Variants in PEX14 observed in about 807,000 individuals in gnomAD.
PEX14 encodes peroxisomal biogenesis factor 14.
In PEX14, 15 loss-of-function variants were observed where a neutral mutation model predicts 49.5. The ratio of observed to expected loss-of-function variants is 0.30; its 90% CI spans 0.20 to 0.47. The LOEUF (loss-of-function observed/expected upper bound fraction) is 0.47, where lower values mean the gene tolerates loss of function less well. Among genes scored for constraint, PEX14 ranks in the 20% least tolerant of loss-of-function variants. The pLI is 1.00. For missense variants in PEX14, 398 were observed against 494.8 expected, an observed-to-expected ratio of 0.80 and a Z score of 1.86; for synonymous variants, 210 against 212.7, an observed-to-expected ratio of 0.99 and a Z score of 0.11.
At chr1:10,508,106 CT>C (rs1641818961) in intron 2 of PEX14, among the ~76,000 whole-genome samples, 1 of 152,236 alleles carries the variant, frequency 6.6e-6, no homozygotes, top group African/African-American at 2.4e-5. Context: ...CTCCCTCCCC[CT>C]ATCCAAACTA....
Position 10,629,482 on chromosome 1 carries a change from G to A in PEX14, c.678-49G>A, listed in dbSNP as rs1484208032. 9 of 1,332,932 alleles carry A rather than the reference G, an allele frequency of 6.8e-6. No individual in the cohort carries two copies. The South Asian group carries it at 9.4e-5, about 14-fold the overall frequency. 82.6% of individuals were successfully genotyped at this position (1,332,932 alleles called of 1,614,324 possible). A position where few individuals can be genotyped will look rare whatever the true frequency, so the allele number is the denominator to read the frequency against. ...AGGGAAGGCGTGGCCCTTCGAAGGG[G>A]GGCGTCCTGAATGCCGCCACCAACC... is the stretch of plus-strand genomic sequence containing the variant. On this transcript the variant is annotated intron_variant, in intron 8 of 8. Transcript: ENST00000356607. This position sits in a 1 kb window ranked among gnomAD's most constrained non-coding sequence, Gnocchi z 8.5.
chr1:10,498,455 G>T (rs1448916965), intron 2 of PEX14, among the ~76,000 whole-genome samples: 1 of 152,208 alleles, frequency 6.6e-6, no homozygotes, highest in African/African-American at 2.4e-5. Context: ...TTGATTTTCA[G>T]TTCTGTCCTC....
intron 3 of PEX14, among the ~76,000 whole-genome samples, chr1:10,587,131 G>C (rs1006652127): frequency 2.0e-5 from 3 of 151,916 alleles, no homozygotes; most frequent in African/African-American, 7.2e-5. Flanking sequence ...ATGCTTTTCT[G>C]TATATATTCA....
chr1:10,553,856 C>T lies in PEX14; in HGVS notation c.169+17559C>T, dbSNP rs79177712. 5.5e-3 allele frequency among the ~76,000 whole-genome samples: 844 copies of T among 152,252 alleles called. 2 individuals are homozygous for T. Among genetic ancestry groups the T allele is most frequent in the Non-Finnish European group, 0.01 (681 of 68,026 alleles). ...TGTGACAGTCAACCTGTTTGCTGAT[C>T]TGGCCTCGGCAATTTTCAGGGCTTC... On this transcript the variant is annotated intron_variant, in intron 3 of 8. Coordinates refer to ENST00000356607, the MANE Select transcript of PEX14 (RefSeq NM_004565.3).
At chr1:10,563,331 T>G (rs1490550327) in intron 3 of PEX14, among the ~76,000 whole-genome samples, 14 of 147,946 alleles carry the variant, frequency 9.5e-5, no homozygotes, top group Middle Eastern at 3.7e-3. Context: ...CGGGCGCGGT[T>G]GCTCACGCCT....
chr1:10,521,641 TG>T (rs1638297356), intron 2 of PEX14, among the ~76,000 whole-genome samples: 1 of 152,212 alleles, frequency 6.6e-6, no homozygotes, highest in African/African-American at 2.4e-5. Flanking sequence ...AAGAAGTTGG[TG>T]ACTGAGTTAG....
rs72857078 is a variant in PEX14 at position 10,597,547 on chromosome 1, C to G, written c.170-1691C>G. 6.6e-6 allele frequency among the ~76,000 whole-genome samples: 1 copy of G among 152,182 alleles called. No individual in the cohort carries two copies. The highest frequency in any genetic ancestry group is 1.9e-4 in the East Asian group (1 of 5,194). On this transcript the variant is annotated intron_variant, in intron 3 of 8. Coordinates refer to ENST00000356607, the MANE Select transcript of PEX14 (RefSeq NM_004565.3). The surrounding 1 kb of genome is among the most constrained non-coding windows in gnomAD (Gnocchi z 5.7). The stretch of plus-strand genomic sequence containing the variant: ...GCAGTCCCTTTGCAGCAAGCACCCC[C>G]TCTCTAGCTCCACTCTACTGACCTT...
intron 3 of PEX14, among the ~76,000 whole-genome samples, chr1:10,590,815 C>T (rs1640642702): frequency 6.6e-6 from 1 of 152,202 alleles, no homozygotes; most frequent in South Asian, 2.1e-4. Flanking sequence ...AATGTGAGGA[C>T]TTGCAAGAAC....
chr1:10,552,568 C>T (rs959039775), intron 3 of PEX14, among the ~76,000 whole-genome samples: 2 of 152,222 alleles, frequency 1.3e-5, no homozygotes, highest in African/African-American at 4.8e-5. Context: ...GTATGATTCA[C>T]TGGAAAAATC....
chr1:10,493,055 C>T (rs530328159), intron 1 of PEX14, among the ~76,000 whole-genome samples: 3 of 152,228 alleles, frequency 2.0e-5, no homozygotes, highest in East Asian at 3.9e-4. Flanking sequence ...TGTGCAAAGG[C>T]GCAGTGACAG....
intron 2 of PEX14, among the ~76,000 whole-genome samples, chr1:10,496,822 A>T (rs868814805): frequency 6.6e-6 from 1 of 152,020 alleles, no homozygotes; most frequent in Middle Eastern, 3.4e-3. Context: ...AAACCCTAGT[A>T]GCCTGTGATC....
At chr1:10,570,063 A>G (rs971509723) in intron 3 of PEX14, among the ~76,000 whole-genome samples, 8 of 151,718 alleles carry the variant, frequency 5.3e-5, no homozygotes, top group Non-Finnish European at 1.0e-4. Context: ...AAGAAAATAT[A>G]TTTTCTTTCC....
At chr1:10,572,183 A>G (rs1208252601) in intron 3 of PEX14, among the ~76,000 whole-genome samples, 1 of 152,154 alleles carries the variant, frequency 6.6e-6, no homozygotes, top group Non-Finnish European at 1.5e-5. Context: ...TATCTCCCTG[A>G]CGTCTGACAT....
Position 10,629,441 on chromosome 1 carries a change from C to T in PEX14, c.678-90C>T, listed in dbSNP as rs550054957. 18 of 877,848 alleles carry T rather than the reference C, an allele frequency of 2.1e-5. No individual in the cohort carries two copies. The highest frequency in any genetic ancestry group is 9.8e-5 in the African/African-American group (6 of 61,276). 54.4% of individuals were successfully genotyped at this position (877,848 alleles called of 1,614,324 possible). A position where few individuals can be genotyped will look rare whatever the true frequency, so the allele number is the denominator to read the frequency against. On this transcript the variant is annotated intron_variant, in intron 8 of 8. Transcript: ENST00000356607. The surrounding 1 kb of genome is among the most constrained non-coding windows in gnomAD (Gnocchi z 8.5). ...CCCTGGGGGAGCAGCTCACCATCGC[C>T]GAGCCCTTGCGGGTCAGGGAAGGCG...
At chr1:10,535,913 C>T (rs533012853) in intron 2 of PEX14, 16 of 398,238 alleles carry the variant, frequency 4.0e-5, no homozygotes, top group South Asian at 1.9e-4. Context: ...CCACACCTGC[C>T]GGGGAGTATG....
intron 3 of PEX14, among the ~76,000 whole-genome samples, chr1:10,554,720 C>CTT (rs58060040): frequency 0.014 from 2,141 of 148,954 alleles, 61 homozygotes; most frequent in African/African-American, 0.048. Context: ...GCTTTTTTTT[C>CTT]TTTTTTTTTT....
intron 1 of PEX14, among the ~76,000 whole-genome samples, chr1:10,476,040 A>C (rs1641188782): frequency 6.6e-6 from 1 of 152,196 alleles, no homozygotes; most frequent in Admixed American, 6.5e-5. Context: ...GATTAGAATG[A>C]GGAAGAAGAA....
intron 1 of PEX14, among the ~76,000 whole-genome samples, chr1:10,487,329 GT>G (rs58538498): frequency 3.7e-4 from 51 of 138,488 alleles, no homozygotes; most frequent in Middle Eastern, 3.9e-3. Context: ...GAGTTTGGCA[GT>G]TTTTTTTTTT....
chr1:10,567,323 G>A (rs1033390876), intron 3 of PEX14, among the ~76,000 whole-genome samples: 3 of 152,086 alleles, frequency 2.0e-5, no homozygotes, highest in Admixed American at 2.0e-4. Flanking sequence ...TATATATCTG[G>A]ACGTACTCTG....
Sources: allele counts gnomAD v4.1 joint callset (sites outside exome capture counted in the v4.1 genomes callset), GRCh38; gene constraint gnomAD v4.1.1; non-coding constraint Gnocchi (gnomAD v3.1); transcripts MANE v1.5; gene names NCBI Gene and HGNC (gene_info 2026-07-23, HGNC 2026-07-21).